RALGDS: variants seen among roughly 807,000 people sequenced by gnomAD.
RALGDS encodes ral guanine nucleotide exchange factor.
A neutral mutation model predicts 99.8 loss-of-function variants in RALGDS; 44 were observed. The ratio of observed to expected loss-of-function variants is 0.44; its 90% CI spans 0.35 to 0.57. The LOEUF is 0.57. RALGDS is among the 20% of genes least tolerant of loss of function. The probability of loss-of-function intolerance (pLI) is 0.01; values close to 1 mark genes in which losing one functional copy is unlikely to be tolerated. For synonymous variants in RALGDS, 529 were observed against 505.0 expected (o/e 1.05, Z -0.64); for missense variants, 1,022 against 1,203.1 (o/e 0.85, Z 2.23).
rs748172125 is a variant in RALGDS, at chr9:133,108,284, G to C, written c.901C>G (p.Pro301Ala). 4 of 1,564,156 alleles carry C rather than the reference G, an allele frequency of 2.6e-6. No individual in the cohort carries two copies. The South Asian group carries it at 3.5e-5, about 14-fold the overall frequency. ...PEPEPAPTPA[P>A]GSELEVAPAP... ...GGAGCTACTTCTAGCTCTGAACCTG[G>C]AGCTGGTGTTGGAGCTGGCTCTGGC... is the stretch of plus-strand genomic sequence containing the variant. Residue 301 changes from proline to alanine, a missense_variant, in exon 6 of 18, where the codon CCA (proline) becomes GCA (alanine). Pro to Ala is a conservative substitution (Grantham distance 27). Coordinates refer to ENST00000372050, the MANE Select transcript of RALGDS (RefSeq NM_006266.4).
chr9:133,143,814 A>T (rs1202655288), intron 1 of RALGDS, among the ~76,000 whole-genome samples: 1 of 138,548 alleles, frequency 7.2e-6, no homozygotes, highest in Non-Finnish European at 1.5e-5. Context: ...TAATAATAAT[A>T]ATAATAAAAT....
At chr9:133,133,414 C>G (rs1832376519), upstream of RALGDS, among the ~76,000 whole-genome samples, 1 of 152,228 alleles carries the variant, frequency 6.6e-6, no homozygotes, top group African/African-American at 2.4e-5. Flanking sequence ...CTCCCACCCA[C>G]GTGGTCCCTG....
At position 133,098,437 on chromosome 9, in the gene RALGDS, C is replaced by T. The variant is rs992090460; in HGVS notation, c.*150G>A. Reference sequence around the variant, plus strand: ...CCAGGTCAGCCTGACCAATGGCAGGCGTCAATCCCAGCAGCGGGAGAGGTT... The same window carrying T: ...CCAGGTCAGCCTGACCAATGGCAGGTGTCAATCCCAGCAGCGGGAGAGGTT... On this transcript the variant is annotated 3_prime_UTR_variant, in exon 18 of 18. Coordinates refer to ENST00000372050, the MANE Select transcript of RALGDS (RefSeq NM_006266.4). 2.2e-5 allele frequency: 18 copies of T among 819,412 alleles called. No homozygotes were observed. The highest frequency in any genetic ancestry group is 1.1e-4 in the South Asian group (7 of 62,428). 50.8% of individuals were successfully genotyped at this position (819,412 alleles called of 1,614,324 possible).
Position 133,106,236 on chromosome 9 carries a change from G to T in RALGDS, c.1518-220C>A, listed in dbSNP as rs550920514. The stretch of plus-strand genomic sequence containing the variant: ...CCACTGAGCAGCTATTTCCAAAGGG[G>T]TTTTTTTCTTTTTTTGGAGACAGTT... On this transcript the variant is annotated intron_variant, in intron 8 of 17. Transcript: ENST00000372050. Among the ~76,000 whole-genome samples, 528 of 151,968 alleles carry T rather than the reference G, an allele frequency of 3.5e-3. 1 individual carries two copies. Among genetic ancestry groups the T allele is most frequent in the African/African-American group, 0.012 (486 of 41,464 alleles).
intron 1 of RALGDS, among the ~76,000 whole-genome samples, chr9:133,141,666 G>C (rs1255724392): frequency 6.6e-6 from 1 of 152,384 alleles, no homozygotes; most frequent in East Asian, 1.9e-4. Flanking sequence ...TGAGGAGGAA[G>C]GGCAGTGGCG....
chr9:133,107,864 T>C, intron 6 of RALGDS, 124 bp downstream of exon 6: 3 of 1,265,270 alleles, frequency 2.4e-6, no homozygotes, highest in South Asian at 1.2e-5. Flanking sequence ...GGTTACTTGG[T>C]GTGTAGCAGC....
At chr9:133,103,602 T>C (rs554006866) in intron 11 of RALGDS, 145 bp downstream of exon 11, 21 of 890,378 alleles carry the variant, frequency 2.4e-5, no homozygotes, top group Admixed American at 5.2e-5. Context: ...CTGCTGCAGC[T>C]CTGTGTTTGG....
upstream of RALGDS, among the ~76,000 whole-genome samples, chr9:133,131,362 G>T (rs1315964859): frequency 6.6e-6 from 1 of 151,886 alleles, no homozygotes; most frequent in Non-Finnish European, 1.5e-5. Flanking sequence ...CTACCTCCCT[G>T]TACTCACCCT....
intron 1 of RALGDS, among the ~76,000 whole-genome samples, chr9:133,115,722 TCC>T (rs1185053804): frequency 6.6e-6 from 1 of 151,988 alleles, no homozygotes; most frequent in Non-Finnish European, 1.5e-5. Context: ...TGACATCATA[TCC>T]CCCTGGGGCC....
chr9:133,103,613 G>T, intron 11 of RALGDS, 134 bp downstream of exon 11: 1 of 950,838 alleles, frequency 1.1e-6, no homozygotes, highest in Non-Finnish European at 1.7e-6. Context: ...CTGTGTTTGG[G>T]CAGCCCTGGG....
chr9:133,117,828 G>A lies in RALGDS; in HGVS notation c.183+3144C>T, dbSNP rs571186139. Among the ~76,000 whole-genome samples, 311 of 152,356 alleles carry A rather than the reference G, an allele frequency of 2.0e-3. 1 individual carries two copies. The highest frequency in any genetic ancestry group is 6.4e-3 in the South Asian group (31 of 4,830). On this transcript the variant is annotated intron_variant, in intron 1 of 17. Coordinates refer to ENST00000372050, the MANE Select transcript of RALGDS (RefSeq NM_006266.4). ...ACCAGTCCTTGACTGCCTGGGTGCAGCTTCCTGAAACCGCTCCACTGGCTC... is the reference window on the plus strand; with the variant it reads ...ACCAGTCCTTGACTGCCTGGGTGCAACTTCCTGAAACCGCTCCACTGGCTC...
upstream of RALGDS, among the ~76,000 whole-genome samples, chr9:133,133,861 G>T (rs1046348783): frequency 1.2e-4 from 18 of 152,336 alleles, no homozygotes; most frequent in African/African-American, 4.3e-4. Context: ...CTGGCTGGGT[G>T]TGAGGCCCAT....
rs116500142 is a variant in RALGDS, at chr9:133,114,827, C to T, written c.184-2675G>A. ...ATGTCCCTGGGCTCTGGGACCCAGT[C>T]GGCAGCTGTGCCTGTAAACACACTG... On this transcript the variant is annotated intron_variant, in intron 1 of 17. Transcript: ENST00000372050. Among the ~76,000 whole-genome samples, 915 of 152,348 alleles carry T rather than the reference C, an allele frequency of 6.0e-3. 9 individuals carry two copies. Among genetic ancestry groups the T allele is most frequent in the African/African-American group, 0.021 (876 of 41,570 alleles).
intron 4 of RALGDS, 32 bp downstream of exon 4, chr9:133,109,594 G>C (rs1379226606): frequency 6.4e-7 from 1 of 1,570,340 alleles, no homozygotes; most frequent in East Asian, 2.2e-5. Flanking sequence ...GTGGGGACAG[G>C]GTCCCTTCCT....
intron 1 of RALGDS, among the ~76,000 whole-genome samples, chr9:133,146,731 T>C (rs1425801259): frequency 6.6e-6 from 1 of 152,222 alleles, no homozygotes; most frequent in African/African-American, 2.4e-5. Context: ...TTGCTCTTGT[T>C]TTCCTCCCCA....
In RALGDS at chr9:133,108,222, T is replaced by C; in HGVS notation, c.963A>G (p.Pro321=). The C allele has an allele frequency of 6.2e-7, 1 of 1,612,642 alleles. No individual in the cohort carries two copies. Among genetic ancestry groups the C allele is most frequent in the Non-Finnish European group, 8.5e-7 (1 of 1,179,528 alleles). ...PAPELQQAPE[P]AVGLESAPAP... Reference sequence around the variant, plus strand: ...CTGGAGCCGATTCTAGTCCCACAGCTGGCTCTGGAGCCTGCTGGAGCTCCG... The same window carrying C: ...CTGGAGCCGATTCTAGTCCCACAGCCGGCTCTGGAGCCTGCTGGAGCTCCG... Residue 321 remains proline (P), a synonymous_variant, in exon 6 of 18, where the codon CCA becomes CCG. Coordinates refer to ENST00000372050, the MANE Select transcript of RALGDS (RefSeq NM_006266.4).
chr9:133,146,814 C>T (rs1832630713), intron 1 of RALGDS, among the ~76,000 whole-genome samples: 1 of 152,328 alleles, frequency 6.6e-6, no homozygotes, highest in East Asian at 1.9e-4. Context: ...ACCCACATGG[C>T]AGTGAACCAA....
At chr9:133,148,957 A>C in intron 1 of RALGDS, 1 of 1,600,676 alleles carries the variant, frequency 6.2e-7, no homozygotes, top group Non-Finnish European at 8.5e-7. Flanking sequence ...GACGGCGCGC[A>C]CTCACCTGGC....
intron 13 of RALGDS, 77 bp downstream of exon 13, chr9:133,102,702 C>T: frequency 6.2e-7 from 1 of 1,602,746 alleles, no homozygotes; most frequent in African/African-American, 1.3e-5. Context: ...GACCATGGGT[C>T]ATAGCTGCTG....
Sources: gnomAD v4.1 joint callset for allele counts (sites outside exome capture counted in the v4.1 genomes callset) on GRCh38, gnomAD v4.1.1 for gene constraint, MANE v1.5 for transcripts, NCBI Gene and HGNC (gene_info 2026-07-23, HGNC 2026-07-21) for gene names.